Variants in CFAP97 observed in about 807,000 individuals in gnomAD.
CFAP97 encodes the protein cilia- and flagella-associated protein 97.
A neutral mutation model predicts 43.1 loss-of-function variants in CFAP97; 36 were observed. The ratio of observed to expected loss-of-function variants is 0.84; its 90% CI spans 0.64 to 1.10. The LOEUF (loss-of-function observed/expected upper bound fraction) is 1.10, where lower values mean the gene tolerates loss of function less well. Ranked by LOEUF, CFAP97 falls within the 50% of genes least tolerant of loss-of-function variation. The pLI is 0.00. For synonymous variants in CFAP97, 228 were observed against 225.7 expected (o/e 1.01, Z -0.09); for missense variants, 657 against 620.3 (o/e 1.06, Z -0.63).
At chr4:185,203,714 C>T (rs934203736) in intron 1 of CFAP97, 184 bp downstream of exon 1, 2 of 152,168 alleles carry the variant, frequency 1.3e-5, no homozygotes, top group Non-Finnish European at 2.9e-5. Flanking sequence ...GGCGCCGCGA[C>T]CCGCCGCCGC....
At chr4:185,163,352 C>T (rs1734940710) in intron 4 of CFAP97, among the ~76,000 whole-genome samples, 1 of 152,060 alleles carries the variant, frequency 6.6e-6, no homozygotes, top group Non-Finnish European at 1.5e-5. Flanking sequence ...GTTGAAGACT[C>T]ACGAGGGCGG....
intron 1 of CFAP97, among the ~76,000 whole-genome samples, chr4:185,199,506 T>C (rs1736724817): frequency 6.6e-6 from 1 of 151,910 alleles, no homozygotes; most frequent in African/African-American, 2.4e-5. Flanking sequence ...CTGTCTCCAC[T>C]AAAAATAACA....
rs1220390406 is a variant in CFAP97 at position 185,159,858 on chromosome 4, A to T, written c.*2940T>A. On this transcript the variant is annotated 3_prime_UTR_variant, in exon 5 of 5. Transcript: ENST00000458385. Reference sequence around the variant, plus strand: ...ATTGTATATAATCATTTATAGGTTAAGACTTTTTTGGCATTGAAGATAGTA... The same window carrying T: ...ATTGTATATAATCATTTATAGGTTATGACTTTTTTGGCATTGAAGATAGTA... 6.6e-6 allele frequency: 1 copy of T among 152,256 alleles called. No homozygotes were observed. The highest frequency in any genetic ancestry group is 2.4e-5 in the African/African-American group (1 of 41,468). 9.4% of individuals were successfully genotyped at this position (152,256 alleles called of 1,614,324 possible).
intron 2 of CFAP97, among the ~76,000 whole-genome samples, chr4:185,176,745 C>T (rs557948958): frequency 6.6e-6 from 1 of 152,164 alleles, no homozygotes; most frequent in Non-Finnish European, 1.5e-5. Flanking sequence ...AATTTAGGTA[C>T]AGCTTTTCTT....
Position 185,164,270 on chromosome 4 carries a change from TTTC to T in CFAP97, c.1321-94_1321-92del, listed in dbSNP as rs1429082624. On this transcript the variant is annotated intron_variant, in intron 3 of 4. Transcript: ENST00000458385. ...ATTCTAGAGCCTGACATTCACTTTC[TTTC>T]TTTTTTTTTTTAAGAGACAAGATCT... 9.7e-5 allele frequency: 121 copies of T among 1,250,076 alleles called. No individual in the cohort carries two copies. The African/African-American group carries it at 1.1e-3, about 12-fold the overall frequency. 77.4% of individuals were successfully genotyped at this position (1,250,076 alleles called of 1,614,324 possible).
chr4:185,190,423 T>C lies in CFAP97; in HGVS notation c.774A>G (p.Leu258=), dbSNP rs764206132. The C allele has an allele frequency of 6.2e-7, 1 of 1,613,672 alleles. No homozygotes were observed. The highest frequency in any genetic ancestry group is 1.1e-5 in the South Asian group (1 of 91,018). The change falls in exon 2 of 5, where the codon TTA becomes TTG. Residue 258 remains leucine (L), a synonymous_variant. Transcript: ENST00000458385. ...GAAGAGGGCTAATGTCTGGAGTTGA[T>C]AAGGGACTTACGTCAGTCACAGTAT... ...SEDTVTDVSP[L]STPDISPLQS... is the part of the protein sequence containing the mutation.
intron 1 of CFAP97, among the ~76,000 whole-genome samples, chr4:185,192,943 T>A (rs1736356597): frequency 6.6e-6 from 1 of 152,128 alleles, no homozygotes; most frequent in Non-Finnish European, 1.5e-5. Flanking sequence ...GGTTTCACCG[T>A]GTTATCCAGG....
intron 1 of CFAP97, among the ~76,000 whole-genome samples, chr4:185,200,116 C>T (rs1057020050): frequency 3.3e-5 from 5 of 152,214 alleles, no homozygotes; most frequent in Admixed American, 1.3e-4. Flanking sequence ...AAAATATCAA[C>T]ATCAACAAGA....
Position 185,175,967 on chromosome 4 carries a change from G to A in CFAP97, c.1139C>T (p.Thr380Ile), listed in dbSNP as rs556874914. 12 of 1,613,646 alleles carry A rather than the reference G, an allele frequency of 7.4e-6. No individual in the cohort carries two copies. In the East Asian group the frequency reaches 2.7e-4, roughly 36 times the overall value. Residue 380 changes from threonine to isoleucine, a missense_variant, in exon 3 of 5, where the codon ACA becomes ATA. By Grantham distance (89) the Thr-to-Ile change is moderately conservative. Coordinates refer to ENST00000458385, the MANE Select transcript of CFAP97 (RefSeq NM_020827.3). ...ATCGATCTGTCTCACCTCTTCTCTT[G>A]TGAAAGAGTAGTTTTTCCCGGGTGC... ...SVAPGKNYSFTREEVRQIDRE... is the reference protein window; with the variant it reads ...SVAPGKNYSFIREEVRQIDRE...
upstream of CFAP97, among the ~76,000 whole-genome samples, chr4:185,205,334 G>C (rs1737141790): frequency 6.6e-6 from 1 of 151,942 alleles, no homozygotes; most frequent in Non-Finnish European, 1.5e-5. Context: ...TGAGCCTGTA[G>C]TCCCAGCTAC....
At chr4:185,208,000 T>C (rs1186683154), upstream of CFAP97, among the ~76,000 whole-genome samples, 1 of 152,226 alleles carries the variant, frequency 6.6e-6, no homozygotes, top group Non-Finnish European at 1.5e-5. Context: ...GTGCTTTATT[T>C]GAATAATTTG....
chr4:185,209,759 C>A (rs1243099996), upstream of CFAP97: 1 of 983,984 alleles, frequency 1.0e-6, no homozygotes, highest in East Asian at 1.1e-4. This position sits in a 1 kb window ranked among gnomAD's most constrained non-coding sequence, Gnocchi z 5.2. Context: ...GCTCCCCCTG[C>A]CTCCGGAGCG....
chr4:185,170,278 G>T, intron 3 of CFAP97: 1 of 658,150 alleles, frequency 1.5e-6, no homozygotes, highest in Non-Finnish European at 2.8e-6. Context: ...CCCAGGAGAT[G>T]GAGGCTGCAA....
intron 1 of CFAP97, among the ~76,000 whole-genome samples, chr4:185,201,698 CA>C (rs1160847281): frequency 6.6e-6 from 1 of 152,144 alleles, no homozygotes; most frequent in East Asian, 1.9e-4. Flanking sequence ...ACTGGGAAAC[CA>C]AAAAATTCAT....
intron 2 of CFAP97, among the ~76,000 whole-genome samples, chr4:185,177,093 T>A (rs4333225): frequency 0.46 from 69,983 of 151,948 alleles, 16,139 homozygotes; most frequent in Middle Eastern, 0.56. Flanking sequence ...ACTTGCTGAA[T>A]GTTTCAGGTT....
At chr4:185,182,234 C>T (rs762971316) in intron 2 of CFAP97, 8 of 151,794 alleles carry the variant, frequency 5.3e-5, no homozygotes, top group African/African-American at 9.7e-5. Context: ...GAGATTCATA[C>T]CATAACTTGA....
chr4:185,178,652 A>G (rs1024314906), intron 2 of CFAP97, among the ~76,000 whole-genome samples: 2 of 152,256 alleles, frequency 1.3e-5, no homozygotes, highest in East Asian at 3.9e-4. Flanking sequence ...CATCACCACA[A>G]GACTTAGTTG....
intron 2 of CFAP97, among the ~76,000 whole-genome samples, chr4:185,186,158 C>A (rs866305588): frequency 6.6e-6 from 1 of 152,116 alleles, no homozygotes; most frequent in African/African-American, 2.4e-5. Flanking sequence ...GTGGGCCAGG[C>A]GAGGTGGTAC....
At position 185,162,708 on chromosome 4, in the gene CFAP97, T is replaced by C. The variant is rs1734914112; in HGVS notation, c.*90A>G. ...TGTACACCTTCAATTGCTAAAACGG[T>C]ATTCTAGATGTTTACACAGAGAATT... On this transcript the variant is annotated 3_prime_UTR_variant, in exon 5 of 5. Transcript: ENST00000458385. 2 of 1,358,024 alleles carry C rather than the reference T, an allele frequency of 1.5e-6. No homozygotes were observed. The highest frequency in any genetic ancestry group is 2.1e-6 in the Non-Finnish European group (2 of 974,496). 84.1% of individuals were successfully genotyped at this position (1,358,024 alleles called of 1,614,324 possible). A position where few individuals can be genotyped will look rare whatever the true frequency, so the allele number is the denominator to read the frequency against.
Sources: allele counts gnomAD v4.1 joint callset (sites outside exome capture counted in the v4.1 genomes callset), GRCh38; gene constraint gnomAD v4.1.1; non-coding constraint Gnocchi (gnomAD v3.1); transcripts MANE v1.5; gene names NCBI Gene and HGNC (gene_info 2026-07-23, HGNC 2026-07-21).